The following NCOA2 variants were observed in gnomAD, a reference collection of about 807,000 sequenced individuals.
The protein encoded by NCOA2 is class E basic helix-loop-helix protein 75.
NCOA2 carries 21 observed loss-of-function variants against 145.1 expected under a neutral mutation model. The observed-to-expected ratio is 0.14, with a 90% CI of 0.10 to 0.21. NCOA2 has a LOEUF of 0.21. Among genes scored for constraint, NCOA2 ranks in the 10% least tolerant of loss-of-function variants. The probability of loss-of-function intolerance (pLI) is 1.00; values close to 1 mark genes in which losing one functional copy is unlikely to be tolerated. For missense variants in NCOA2, 1,472 were observed against 1,837.6 expected, an observed-to-expected ratio of 0.80 and a Z score of 3.64; for synonymous variants, 619 against 637.5, an observed-to-expected ratio of 0.97 and a Z score of 0.44.
chr8:70,343,257 T>C (rs1808307703), intron 1 of NCOA2, among the ~76,000 whole-genome samples: 1 of 152,200 alleles, frequency 6.6e-6, no homozygotes, highest in African/African-American at 2.4e-5. Context: ...TTTCTACTTA[T>C]GCCTTTTCAG....
rs34990647 is a variant in NCOA2, at chr8:70,203,261, C to CAA, written c.259+10640_259+10641dup. Among the ~76,000 whole-genome samples, 21 of 121,944 alleles carry CAA rather than the reference C, an allele frequency of 1.7e-4. 1 individual carries two copies. The highest frequency in any genetic ancestry group is 2.6e-4 in the Non-Finnish European group (16 of 61,000). 80.0% of individuals were successfully genotyped at this position (121,944 alleles called of 152,430 possible). ...CTGGTGATAGAACAAGACTCTGTCTCAAAAAAAAAAAGAAAAAAGAAAGAG... is the reference window on the plus strand; with the variant it reads ...CTGGTGATAGAACAAGACTCTGTCTCAAAAAAAAAAAAAGAAAAAAGAAAGAG... On this transcript the variant is annotated intron_variant, in intron 4 of 22. Transcript: ENST00000452400.
chr8:70,451,693 T>C, the NCOA2 span, among the ~76,000 whole-genome samples: 4 of 152,182 alleles, frequency 2.6e-5, no homozygotes, highest in Non-Finnish European at 5.9e-5. Flanking sequence ...GACTGTCCCA[T>C]TAAAATTGAA....
upstream of NCOA2, chr8:70,403,875 C>T (rs908810424): frequency 7.8e-6 from 3 of 386,662 alleles, no homozygotes; most frequent in South Asian, 2.6e-4. Flanking sequence ...TCCTCCTCCT[C>T]CTCCGCGTCT....
intron 15 of NCOA2, among the ~76,000 whole-genome samples, chr8:70,135,197 G>A (rs996544336): frequency 1.3e-5 from 2 of 152,054 alleles, no homozygotes; most frequent in African/African-American, 2.4e-5. Flanking sequence ...TCCTTCCCAC[G>A]CTCTTCTCCA....
At chr8:70,338,862 C>G (rs1259719257) in intron 1 of NCOA2, among the ~76,000 whole-genome samples, 2 of 152,064 alleles carry the variant, frequency 1.3e-5, no homozygotes, top group Non-Finnish European at 2.9e-5. Context: ...ATGATTATCT[C>G]AATACACGCA....
chr8:70,121,163 G>A, intron 22 of NCOA2, 139 bp downstream of exon 22: 1 of 673,790 alleles, frequency 1.5e-6, no homozygotes, highest in Admixed American at 2.2e-5. Context: ...CAAAAGCACT[G>A]TATGCCAGAT....
upstream of NCOA2, among the ~76,000 whole-genome samples, chr8:70,405,834 A>G (rs897887799): frequency 6.6e-6 from 1 of 152,114 alleles, no homozygotes; most frequent in Non-Finnish European, 1.5e-5. Flanking sequence ...CCCCCATTGC[A>G]TTCCCGTATT....
intron 1 of NCOA2, among the ~76,000 whole-genome samples, chr8:70,347,468 G>A (rs1206484347): frequency 6.6e-6 from 1 of 150,540 alleles, no homozygotes; most frequent in Non-Finnish European, 1.5e-5. Context: ...CTGGACGACA[G>A]AGCAAGACTC....
At chr8:70,164,317 C>T (rs1200288739) in intron 7 of NCOA2, among the ~76,000 whole-genome samples, 1 of 152,164 alleles carries the variant, frequency 6.6e-6, no homozygotes, top group Non-Finnish European at 1.5e-5. Context: ...ATGCAGAGTA[C>T]TCTGCACAGC....
At chr8:70,372,356 A>C (rs1811296310) in intron 1 of NCOA2, among the ~76,000 whole-genome samples, 1 of 152,196 alleles carries the variant, frequency 6.6e-6, no homozygotes, top group Non-Finnish European at 1.5e-5. Context: ...ATTAGAATTT[A>C]ATGCTTTAAC....
the NCOA2 span, among the ~76,000 whole-genome samples, chr8:70,419,057 A>G: frequency 6.6e-6 from 1 of 151,976 alleles, no homozygotes; most frequent in Admixed American, 6.6e-5. Context: ...CCATGGGCAT[A>G]ATTTCAAGAT....
intron 1 of NCOA2, among the ~76,000 whole-genome samples, chr8:70,343,155 C>T (rs1385053559): frequency 1.3e-5 from 2 of 152,128 alleles, no homozygotes; most frequent in Non-Finnish European, 2.9e-5. Flanking sequence ...TTTCAAGGGA[C>T]AAAGTCAATA....
At chr8:70,452,421 A>G in the NCOA2 span, among the ~76,000 whole-genome samples, 1 of 152,192 alleles carries the variant, frequency 6.6e-6, no homozygotes, top group African/African-American at 2.4e-5. Flanking sequence ...AACTATAATC[A>G]AAAAAAGAGA....
the NCOA2 span, among the ~76,000 whole-genome samples, chr8:70,451,590 A>ATT: frequency 6.4e-3 from 973 of 150,856 alleles, 12 homozygotes; most frequent in African/African-American, 0.022. Flanking sequence ...ATTTTAAACT[A>ATT]TTTTTTTTTA....
intron 1 of NCOA2, among the ~76,000 whole-genome samples, chr8:70,374,904 T>C (rs536730082): frequency 3.3e-5 from 5 of 152,180 alleles, no homozygotes; most frequent in South Asian, 4.1e-4. Flanking sequence ...TTTTTACTTA[T>C]CTATATTTTC....
At chr8:70,342,607 C>G (rs1808231445) in intron 1 of NCOA2, among the ~76,000 whole-genome samples, 3 of 151,874 alleles carry the variant, frequency 2.0e-5, no homozygotes, top group African/African-American at 7.3e-5. Flanking sequence ...AACATACTTG[C>G]CACAGATTGT....
chr8:70,308,400 A>G (rs1828051468), intron 1 of NCOA2, among the ~76,000 whole-genome samples: 1 of 152,164 alleles, frequency 6.6e-6, no homozygotes, highest in Non-Finnish European at 1.5e-5. Flanking sequence ...TAATCTGGGT[A>G]CTACTGGCCT....
intron 2 of NCOA2, among the ~76,000 whole-genome samples, chr8:70,271,441 T>C (rs1825038023): frequency 6.6e-6 from 1 of 152,200 alleles, no homozygotes; most frequent in Admixed American, 6.5e-5. Context: ...TTTTGTAATC[T>C]CTAATGGGAA....
intron 4 of NCOA2, among the ~76,000 whole-genome samples, chr8:70,190,728 C>T (rs185324014): frequency 1.2e-4 from 19 of 152,092 alleles, no homozygotes; most frequent in Middle Eastern, 6.8e-3. Flanking sequence ...TGGTGGTAGA[C>T]GTCTGTAATC....
Sources: gnomAD v4.1 joint callset for allele counts (sites outside exome capture counted in the v4.1 genomes callset) on GRCh38, gnomAD v4.1.1 for gene constraint, MANE v1.5 for transcripts, NCBI Gene and HGNC (gene_info 2026-07-23, HGNC 2026-07-21) for gene names.